The following SPOCK3 variants were observed in gnomAD, a reference collection of about 807,000 sequenced individuals.
SPOCK3 encodes SPARC (osteonectin), cwcv and kazal like domains proteoglycan 3, also known as testican-3.
A neutral mutation model predicts 56.6 loss-of-function variants in SPOCK3; 30 were observed. The ratio of observed to expected loss-of-function variants is 0.53; its 90% confidence interval spans 0.40 to 0.72. SPOCK3 has a LOEUF of 0.72. SPOCK3 is among the 30% of genes least tolerant of loss of function. The probability of loss-of-function intolerance (pLI) is 0.00; values close to 1 mark genes in which losing one functional copy is unlikely to be tolerated. For synonymous variants in SPOCK3, 196 were observed against 183.3 expected, an observed-to-expected ratio of 1.07 and a Z score of -0.56; for missense variants, 527 against 530.0, an observed-to-expected ratio of 0.99 and a Z score of 0.06.
intron 5 of SPOCK3, among the ~76,000 whole-genome samples, chr4:166,903,421 AT>A (rs973887071): frequency 3.3e-5 from 5 of 152,060 alleles, no homozygotes; most frequent in African/African-American, 1.2e-4. Flanking sequence ...CATCAACATT[AT>A]ACCATAATAA....
intron 2 of SPOCK3, among the ~76,000 whole-genome samples, chr4:167,142,130 T>A (rs950225492): frequency 6.6e-6 from 1 of 152,006 alleles, no homozygotes; most frequent in Non-Finnish European, 1.5e-5. Flanking sequence ...TTTTTAGACA[T>A]GAAAAGTCTC....
intron 2 of SPOCK3, among the ~76,000 whole-genome samples, chr4:167,069,550 G>A (rs1016316642): frequency 1.3e-5 from 2 of 151,778 alleles, no homozygotes; most frequent in Non-Finnish European, 2.9e-5. Flanking sequence ...GCAGAACAAC[G>A]ACTAGATGGA....
intron 4 of SPOCK3, among the ~76,000 whole-genome samples, chr4:166,951,344 A>C (rs1160932555): frequency 1.5e-5 from 2 of 137,044 alleles, no homozygotes; most frequent in East Asian, 2.1e-4. Context: ...GAAATGGATA[A>C]ATTCCTCGAC....
chr4:166,960,483 A>G (rs1419758065), intron 4 of SPOCK3, among the ~76,000 whole-genome samples: 1 of 152,192 alleles, frequency 6.6e-6, no homozygotes, highest in Admixed American at 6.5e-5. Flanking sequence ...TTACCCCAGA[A>G]TATAAAATAA....
intron 2 of SPOCK3, among the ~76,000 whole-genome samples, chr4:167,113,240 T>C (rs963394778): frequency 9.2e-5 from 14 of 152,182 alleles, no homozygotes; most frequent in African/African-American, 3.4e-4. Context: ...ACATTGCTAC[T>C]TAGATTCGTA....
chr4:167,072,129 T>C (rs916721379), intron 2 of SPOCK3, among the ~76,000 whole-genome samples: 4 of 152,004 alleles, frequency 2.6e-5, no homozygotes, highest in East Asian at 3.9e-4. Context: ...ATTGTACAGA[T>C]GGGAAAGTGA....
At chr4:166,831,016 A>G (rs1745986840) in intron 6 of SPOCK3, among the ~76,000 whole-genome samples, 1 of 151,412 alleles carries the variant, frequency 6.6e-6, no homozygotes, top group Admixed American at 6.6e-5. Context: ...TTGCTTTTTC[A>G]TATATATTTT....
intron 2 of SPOCK3, among the ~76,000 whole-genome samples, chr4:167,063,202 A>G (rs1408387636): frequency 1.3e-5 from 2 of 151,942 alleles, no homozygotes; most frequent in Admixed American, 6.6e-5. Context: ...CGATATACTT[A>G]GTAAATATGA....
At chr4:166,987,341 T>A (rs888055579) in intron 4 of SPOCK3, among the ~76,000 whole-genome samples, 12 of 152,202 alleles carry the variant, frequency 7.9e-5, no homozygotes, top group Non-Finnish European at 1.8e-4. Context: ...TCAAACATTA[T>A]CTATAATGAG....
At chr4:166,808,522 G>C (rs571885521) in intron 6 of SPOCK3, among the ~76,000 whole-genome samples, 10 of 151,886 alleles carry the variant, frequency 6.6e-5, no homozygotes, top group Admixed American at 2.0e-4. Context: ...CAGGAAAGGA[G>C]CCCTCACCCA....
chr4:166,736,721 G>A (rs6813903), intron 10 of SPOCK3, among the ~76,000 whole-genome samples: 49,340 of 148,188 alleles, frequency 0.33, 8,228 homozygotes, highest in Admixed American at 0.42. Flanking sequence ...GTGTGTGCGC[G>A]TGTGTGTGTC....
chr4:166,918,162 T>C (rs1738084282), intron 4 of SPOCK3, among the ~76,000 whole-genome samples: 1 of 152,284 alleles, frequency 6.6e-6, no homozygotes, highest in Middle Eastern at 3.4e-3. Context: ...CCATGGGTCT[T>C]AGCAAAGGAC....
chr4:167,020,304 C>T (rs1044730110), intron 3 of SPOCK3, among the ~76,000 whole-genome samples: 1 of 152,008 alleles, frequency 6.6e-6, no homozygotes, highest in Non-Finnish European at 1.5e-5. Flanking sequence ...CCTATTTGGC[C>T]TCTAGGGGAA....
At chr4:166,841,959 G>C (rs1367860038) in intron 6 of SPOCK3, among the ~76,000 whole-genome samples, 6 of 152,158 alleles carry the variant, frequency 3.9e-5, no homozygotes, top group Non-Finnish European at 5.9e-5. Flanking sequence ...GGACATGTTT[G>C]GAGTTTCTTC....
rs751602788 is a variant in SPOCK3, at chr4:167,119,762, C to T, written c.190-57225G>A. The T allele has an allele frequency of 9.5e-5, 136 of 1,438,046 alleles. 2 individuals are homozygous for T. The highest frequency in any genetic ancestry group is 5.4e-4 in the South Asian group (44 of 81,602). 89.1% of individuals were successfully genotyped at this position (1,438,046 alleles called of 1,614,324 possible). On this transcript the variant is annotated intron_variant, in intron 2 of 10. Coordinates refer to ENST00000357545, the MANE Select transcript of SPOCK3 (RefSeq NM_001040159.2). ...ATGGGTACTCTGCTACCCACTATTT[C>T]ACGTTAACATATATTTAACAATTTT...
intron 7 of SPOCK3, among the ~76,000 whole-genome samples, chr4:166,770,029 C>T (rs1336188918): frequency 2.0e-5 from 3 of 152,114 alleles, no homozygotes; most frequent in African/African-American, 7.2e-5. Flanking sequence ...TCGCTAAGAC[C>T]GTTGAAAAAG....
At chr4:166,955,520 A>G (rs553720581) in intron 4 of SPOCK3, among the ~76,000 whole-genome samples, 3,024 of 105,700 alleles carry the variant, frequency 0.029, 38 homozygotes, top group Middle Eastern at 0.05. Context: ...ATTAAATTAT[A>G]TTATATTATT....
At chr4:167,106,419 G>A (rs1760155745) in intron 2 of SPOCK3, among the ~76,000 whole-genome samples, 1 of 151,596 alleles carries the variant, frequency 6.6e-6, no homozygotes, top group Non-Finnish European at 1.5e-5. Context: ...AAGGAAATTT[G>A]AAAACTTTAT....
At chr4:167,172,351 T>A (rs1190951732) in intron 2 of SPOCK3, among the ~76,000 whole-genome samples, 1 of 152,180 alleles carries the variant, frequency 6.6e-6, no homozygotes. Context: ...AGTTTGGAAG[T>A]AAATAATCAA....
Sources: allele counts gnomAD v4.1 joint callset (sites outside exome capture counted in the v4.1 genomes callset), GRCh38; gene constraint gnomAD v4.1.1; transcripts MANE v1.5; gene names NCBI Gene and HGNC (gene_info 2026-07-23, HGNC 2026-07-21).